Variants in FAM177A1 observed in about 807,000 individuals in gnomAD.
FAM177A1 encodes the protein family with sequence similarity 177 member A1.
A neutral mutation model predicts 26.1 loss-of-function variants in FAM177A1; 22 were observed. The observed-to-expected ratio is 0.84, with a 90% CI of 0.60 to 1.20. The LOEUF (loss-of-function observed/expected upper bound fraction) is 1.20, where lower values mean the gene tolerates loss of function less well. FAM177A1 is among the 50% of genes most tolerant of loss of function. The probability of loss-of-function intolerance (pLI) is 0.00; values close to 1 mark genes in which losing one functional copy is unlikely to be tolerated. For synonymous variants in FAM177A1, 95 were observed against 99.3 expected (o/e 0.96, Z 0.26); for missense variants, 296 against 291.1 (o/e 1.02, Z -0.12).
At chr14:35,068,347 G>A (rs537517992) in intron 2 of FAM177A1, among the ~76,000 whole-genome samples, 32 of 152,202 alleles carry the variant, frequency 2.1e-4, no homozygotes, top group South Asian at 1.0e-3. Context: ...TGTGGACTAG[G>A]CATCATGTGA....
At chr14:35,056,842 C>G (rs2045069585) in intron 2 of FAM177A1, among the ~76,000 whole-genome samples, 1 of 151,954 alleles carries the variant, frequency 6.6e-6, no homozygotes, top group Admixed American at 6.6e-5. Flanking sequence ...TATCTGTTAT[C>G]TTATTTGTTG....
intron 2 of FAM177A1, among the ~76,000 whole-genome samples, chr14:35,061,491 C>A (rs1332901698): frequency 7.2e-6 from 1 of 139,586 alleles, no homozygotes. Context: ...CTTTGTTTTA[C>A]AAATGTCTAT....
At chr14:35,052,894 C>G (rs1321978999) in intron 1 of FAM177A1, among the ~76,000 whole-genome samples, 2 of 152,136 alleles carry the variant, frequency 1.3e-5, no homozygotes, top group Non-Finnish European at 2.9e-5. Flanking sequence ...TGCTCTCCAG[C>G]CTAGGCAACA....
chr14:35,078,578 C>T (rs948916643), intron 3 of FAM177A1, among the ~76,000 whole-genome samples: 3 of 152,112 alleles, frequency 2.0e-5, no homozygotes, highest in African/African-American at 7.2e-5. Flanking sequence ...TCTTGAAGTC[C>T]TGACCTCATG....
Position 35,081,275 on chromosome 14 carries a change from A to G in FAM177A1, c.*47A>G. On this transcript the variant is annotated 3_prime_UTR_variant, in exon 5 of 5. Coordinates refer to ENST00000280987, the MANE Select transcript of FAM177A1 (RefSeq NM_173607.5). ...CAAACTCTTAAGTTTTTTTTTTTTA[A>G]TACAAAAACTTTCACATTCTTTATT... 1.3e-6 allele frequency: 2 copies of G among 1,523,660 alleles called. No individual in the cohort carries two copies. The highest frequency in any genetic ancestry group is 2.2e-5 in the Admixed American group (1 of 44,918). The allele number at this position is 1,523,660 out of a possible 1,614,324, so 94.4% of individuals were successfully genotyped here. A position where few individuals can be genotyped will look rare whatever the true frequency, so the allele number is the denominator to read the frequency against.
In FAM177A1 at chr14:35,081,169, G is replaced by C. The variant is rs190938140; in HGVS notation, c.652G>C (p.Glu218Gln). ...SSFVNVNFEM[E>Q]GDSEVIMESK... ...ATTTGTGAATGTCAATTTTGAAATGGAGGGAGACAGTGAAGTAATTATGGA... is the reference window on the plus strand; with the variant it reads ...ATTTGTGAATGTCAATTTTGAAATGCAGGGAGACAGTGAAGTAATTATGGA... The change falls in exon 5 of 5, where the codon GAG (glutamate) becomes CAG (glutamine). Residue 218 changes from glutamate (E) to glutamine (Q), a missense_variant. Physicochemically the swap from Glu to Gln is conservative, Grantham distance 29 (BLOSUM62 2). Transcript: ENST00000280987. The C allele has an allele frequency of 2.7e-5, 44 of 1,613,602 alleles. No homozygotes were observed. The highest frequency in any genetic ancestry group is 3.7e-5 in the Non-Finnish European group (44 of 1,179,868).
chr14:35,076,467 A>C (rs1244395946), intron 2 of FAM177A1, among the ~76,000 whole-genome samples: 1 of 152,108 alleles, frequency 6.6e-6, no homozygotes, highest in Non-Finnish European at 1.5e-5. Context: ...GGGGAGGGAT[A>C]GCATTAGGAG....
intron 2 of FAM177A1, among the ~76,000 whole-genome samples, chr14:35,069,531 TGC>T (rs1231974875): frequency 1.3e-5 from 2 of 152,046 alleles, no homozygotes; most frequent in Non-Finnish European, 2.9e-5. Context: ...GTGATCTGCC[TGC>T]CTCGGCCTCC....
intron 4 of FAM177A1, among the ~76,000 whole-genome samples, chr14:35,079,818 C>T (rs1218500867): frequency 6.6e-6 from 1 of 152,082 alleles, no homozygotes; most frequent in Non-Finnish European, 1.5e-5. Context: ...AATGTAGAGG[C>T]ATGAAGGTAC....
Position 35,078,885 on chromosome 14 carries a change from G to A in FAM177A1, c.407-42G>A, listed in dbSNP as rs1201536641. 2.1e-6 allele frequency: 3 copies of A among 1,398,928 alleles called. No homozygotes were observed. In the African/African-American group the frequency reaches 4.5e-5, roughly 21 times the overall value. The allele number at this position is 1,398,928 out of a possible 1,614,324, so 86.7% of individuals were successfully genotyped here. On this transcript the variant is annotated intron_variant, in intron 3 of 4. Coordinates refer to ENST00000280987, the MANE Select transcript of FAM177A1 (RefSeq NM_173607.5). Reference sequence around the variant, plus strand: ...TACACATAGAAAGTGCTCAAGAAATGTTTATAGAATTATATAAGTCTTTTA... The same window carrying A: ...TACACATAGAAAGTGCTCAAGAAATATTTATAGAATTATATAAGTCTTTTA...
At chr14:35,064,917 G>A (rs1240007841) in intron 2 of FAM177A1, among the ~76,000 whole-genome samples, 1 of 152,102 alleles carries the variant, frequency 6.6e-6, no homozygotes, top group Non-Finnish European at 1.5e-5. Flanking sequence ...CTCCCAAAGT[G>A]CAATCCCAAA....
intron 1 of FAM177A1, chr14:35,050,899 C>T (rs1221639086): frequency 1.3e-5 from 2 of 152,118 alleles, no homozygotes; most frequent in East Asian, 3.9e-4. Flanking sequence ...GGATGGCTGT[C>T]AGTGCCTGGG....
Position 35,081,365 on chromosome 14 carries a change from T to C in FAM177A1, c.*137T>C, listed in dbSNP as rs2045481677. ...AAAGTATCTGGAAAGGGAAAATGTT[T>C]TCTTCATTTTTAGGATCTATCTAGC... On this transcript the variant is annotated 3_prime_UTR_variant, in exon 5 of 5. Coordinates refer to ENST00000280987, the MANE Select transcript of FAM177A1 (RefSeq NM_173607.5). The C allele has an allele frequency of 5.5e-6, 5 of 915,566 alleles. No homozygotes were observed. In the East Asian group the frequency reaches 1.4e-4, roughly 27 times the overall value. 56.7% of individuals were successfully genotyped at this position (915,566 alleles called of 1,614,324 possible). A position where few individuals can be genotyped will look rare whatever the true frequency, so the allele number is the denominator to read the frequency against.
At chr14:35,047,734 C>T (rs1399895703) in intron 1 of FAM177A1, among the ~76,000 whole-genome samples, 6 of 150,006 alleles carry the variant, frequency 4.0e-5, no homozygotes, top group South Asian at 4.2e-4. Flanking sequence ...GGAGACAGAG[C>T]GAGACTCCGT....
At chr14:35,074,156 T>C (rs1246288332) in intron 2 of FAM177A1, among the ~76,000 whole-genome samples, 2 of 152,174 alleles carry the variant, frequency 1.3e-5, no homozygotes, top group East Asian at 3.8e-4. Flanking sequence ...ATTTATTTAT[T>C]TTTTGTGAGA....
chr14:35,081,011 C>T lies in FAM177A1; in HGVS notation c.505-11C>T, dbSNP rs767894185. ...ATTTCAACTATTCTTGATATTGCTC[C>T]TTTTTTTTAGGAAGAAGAAGAAGAA... On this transcript the variant is annotated splice_polypyrimidine_tract_variant and intron_variant, in intron 4 of 4. Coordinates refer to ENST00000280987, the MANE Select transcript of FAM177A1 (RefSeq NM_173607.5). 1 of 1,583,470 alleles carries T rather than the reference C, an allele frequency of 6.3e-7. No individual in the cohort carries two copies. Among genetic ancestry groups the T allele is most frequent in the Admixed American group, 1.8e-5 (1 of 54,966 alleles).
At chr14:35,067,240 A>G (rs2045254336) in intron 2 of FAM177A1, among the ~76,000 whole-genome samples, 1 of 152,092 alleles carries the variant, frequency 6.6e-6, no homozygotes, top group Non-Finnish European at 1.5e-5. Flanking sequence ...CTCTGTTTCT[A>G]TGAGTTCAGT....
chr14:35,078,216 T>G (rs187175279), intron 3 of FAM177A1, among the ~76,000 whole-genome samples: 3 of 152,346 alleles, frequency 2.0e-5, no homozygotes, highest in Admixed American at 2.0e-4. Context: ...TGGATCTGCC[T>G]TATCAGTTTG....
intron 2 of FAM177A1, among the ~76,000 whole-genome samples, chr14:35,055,224 A>G (rs1330029515): frequency 6.6e-6 from 1 of 150,482 alleles, no homozygotes; most frequent in East Asian, 2.0e-4. Flanking sequence ...AATTGCTTCA[A>G]CCCGGGAAGC....
Sources: allele counts gnomAD v4.1 joint callset (sites outside exome capture counted in the v4.1 genomes callset), GRCh38; gene constraint gnomAD v4.1.1; transcripts MANE v1.5; gene names NCBI Gene and HGNC (gene_info 2026-07-23, HGNC 2026-07-21).